DGLUCY: variants seen among roughly 807,000 people sequenced by gnomAD.
DGLUCY encodes the protein D-glutamate cyclase.
DGLUCY carries 58 observed loss-of-function variants against 58.5 expected under a neutral mutation model. That is an observed-to-expected ratio of 0.99 (90% CI 0.80 to 1.23). DGLUCY has a LOEUF of 1.23. Among genes scored for constraint, DGLUCY ranks in the 50% most tolerant of loss-of-function variants. The pLI is 0.00. For missense variants in DGLUCY, 779 were observed against 784.7 expected (o/e 0.99, Z 0.09); for synonymous variants, 325 against 314.1 (o/e 1.03, Z -0.37).
intron 13 of DGLUCY, among the ~76,000 whole-genome samples, chr14:91,222,448 G>A (rs1028444239): frequency 6.6e-6 from 1 of 152,206 alleles, no homozygotes; most frequent in Non-Finnish European, 1.5e-5. Context: ...GAAGAGAAGC[G>A]AGAGGAAGAA....
intron 1 of DGLUCY, among the ~76,000 whole-genome samples, chr14:91,116,504 T>C (rs2044953382): frequency 6.6e-6 from 1 of 152,198 alleles, no homozygotes; most frequent in Non-Finnish European, 1.5e-5. Context: ...AAAAGCATAG[T>C]GACTGAAAGT....
At chr14:91,219,075 G>C (rs1887037942) in intron 13 of DGLUCY, among the ~76,000 whole-genome samples, 1 of 151,984 alleles carries the variant, frequency 6.6e-6, no homozygotes, top group Non-Finnish European at 1.5e-5. Context: ...AGCTGTTCGA[G>C]AGGCTGAGAC....
intron 1 of DGLUCY, among the ~76,000 whole-genome samples, chr14:91,128,001 A>T (rs1191484440): frequency 4.7e-5 from 7 of 149,494 alleles, no homozygotes; most frequent in Non-Finnish European, 8.9e-5. Context: ...TCAACAGGAG[A>T]GGCTTTGGCT....
intron 1 of DGLUCY, chr14:91,060,883 G>A: frequency 6.5e-6 from 1 of 154,148 alleles, no homozygotes; most frequent in South Asian, 1.9e-4. Flanking sequence ...TCCGATTGGT[G>A]AGACCCAAAG....
At chr14:91,111,240 GTGTGTGTGTA>G (rs775213015), upstream of DGLUCY, among the ~76,000 whole-genome samples, 2,848 of 108,040 alleles carry the variant, frequency 0.026, 76 homozygotes, top group Non-Finnish European at 0.037. Flanking sequence ...GTGTGTGTGT[GTGTGTGTGTA>G]TATATCTATA....
At chr14:91,200,768 G>A (rs1043287864) in intron 11 of DGLUCY, among the ~76,000 whole-genome samples, 2 of 152,124 alleles carry the variant, frequency 1.3e-5, no homozygotes, top group African/African-American at 4.8e-5. Flanking sequence ...TGTGAAGAGA[G>A]TCCACAAACA....
intron 3 of DGLUCY, among the ~76,000 whole-genome samples, chr14:91,161,068 C>CT (rs1269849538): frequency 1.3e-5 from 2 of 152,164 alleles, no homozygotes; most frequent in Non-Finnish European, 2.9e-5. Flanking sequence ...ACAAGGCACT[C>CT]TTTTTTGTTG....
At chr14:91,177,364 C>A (rs568876386) in intron 7 of DGLUCY, among the ~76,000 whole-genome samples, 1 of 152,292 alleles carries the variant, frequency 6.6e-6, no homozygotes, top group African/African-American at 2.4e-5. Flanking sequence ...GAGGACTAAC[C>A]TTTAGCTTGG....
At chr14:91,071,209 C>T (rs112292330) in intron 1 of DGLUCY, among the ~76,000 whole-genome samples, 6,594 of 151,456 alleles carry the variant, frequency 0.044, 183 homozygotes, top group Non-Finnish European at 0.059. Flanking sequence ...TGGTGGCACG[C>T]GCCTGTATTC....
At chr14:91,075,087 AAG>A (rs1555388421) in intron 1 of DGLUCY, among the ~76,000 whole-genome samples, 2 of 151,262 alleles carry the variant, frequency 1.3e-5, no homozygotes, top group Admixed American at 6.6e-5. Flanking sequence ...AAAAAAAAAA[AAG>A]AAGAATTGCT....
intron 2 of DGLUCY, among the ~76,000 whole-genome samples, chr14:91,159,896 C>G (rs1334780487): frequency 6.6e-6 from 1 of 152,086 alleles, no homozygotes; most frequent in East Asian, 1.9e-4. Flanking sequence ...CCTCGAGGCC[C>G]TAGGGAGAGA....
intron 1 of DGLUCY, among the ~76,000 whole-genome samples, chr14:91,061,156 A>G (rs2043666433): frequency 6.6e-6 from 1 of 152,060 alleles, no homozygotes; most frequent in Non-Finnish European, 1.5e-5. Context: ...TTGCAGACAA[A>G]CCTAAGGGTC....
intron 1 of DGLUCY, among the ~76,000 whole-genome samples, chr14:91,136,367 A>G (rs1420242947): frequency 6.6e-6 from 1 of 152,066 alleles, no homozygotes; most frequent in Non-Finnish European, 1.5e-5. Context: ...TGAAAGTTTT[A>G]TGTGACACGA....
intron 1 of DGLUCY, among the ~76,000 whole-genome samples, chr14:91,140,206 C>T (rs759387989): frequency 2.0e-5 from 3 of 152,072 alleles, no homozygotes; most frequent in East Asian, 3.9e-4. Context: ...CCCTTTCCTC[C>T]TCCTCCTTCT....
Position 91,215,387 on chromosome 14 carries a change from CTTGTT to C in DGLUCY, c.1565-14_1565-10del, listed in dbSNP as rs1277568562. 1 of 1,585,892 alleles carries C rather than the reference CTTGTT, an allele frequency of 6.3e-7. No homozygotes were observed. The highest frequency in any genetic ancestry group is 2.3e-5 in the East Asian group (1 of 44,362). ...GACTTTTCCAACTCCATGATGGAAT[CTTGTT>C]TTGCTGTTCTAGGTGTTTCTAACTG... is the stretch of plus-strand genomic sequence containing the variant. On this transcript the variant is annotated splice_polypyrimidine_tract_variant and intron_variant, in intron 12 of 13. Transcript: ENST00000256324.
intron 1 of DGLUCY, among the ~76,000 whole-genome samples, chr14:91,092,211 C>G (rs1030242035): frequency 1.3e-5 from 2 of 152,198 alleles, no homozygotes; most frequent in African/African-American, 4.8e-5. Flanking sequence ...ACATTCTTGA[C>G]TACTGTACTG....
At chr14:91,107,011 CTT>C (rs1440300357), upstream of DGLUCY, among the ~76,000 whole-genome samples, 1 of 152,114 alleles carries the variant, frequency 6.6e-6, no homozygotes, top group Non-Finnish European at 1.5e-5. Flanking sequence ...TCAAGATTCT[CTT>C]GAGTTTGTGC....
chr14:91,212,825 AC>A (rs1352145113), intron 12 of DGLUCY, among the ~76,000 whole-genome samples: 2 of 151,936 alleles, frequency 1.3e-5, no homozygotes, highest in Admixed American at 1.3e-4. Flanking sequence ...ACATGGTGAA[AC>A]CCCATCTCTA....
intron 4 of DGLUCY, among the ~76,000 whole-genome samples, chr14:91,168,178 A>T (rs1230422713): frequency 6.6e-6 from 1 of 151,960 alleles, no homozygotes; most frequent in East Asian, 1.9e-4. Flanking sequence ...GCTGAGGAGG[A>T]TTGCTTGAGA....
Sources: gnomAD v4.1 joint callset for allele counts (sites outside exome capture counted in the v4.1 genomes callset) on GRCh38, gnomAD v4.1.1 for gene constraint, MANE v1.5 for transcripts, NCBI Gene and HGNC (gene_info 2026-07-23, HGNC 2026-07-21) for gene names.